The following TGFBR3 variants were observed in gnomAD, a reference collection of about 807,000 sequenced individuals.
TGFBR3 encodes transforming growth factor beta receptor type 3.
TGFBR3 carries 46 observed loss-of-function variants against 87.9 expected under a neutral mutation model. That is an observed-to-expected ratio of 0.52 (90% CI 0.41 to 0.67). The LOEUF is 0.67. Ranked by LOEUF, TGFBR3 falls within the 30% of genes least tolerant of loss-of-function variation. The pLI is 0.00. For synonymous variants in TGFBR3, 381 were observed against 391.6 expected, an observed-to-expected ratio of 0.97 and a Z score of 0.32; for missense variants, 866 against 1,041.9, an observed-to-expected ratio of 0.83 and a Z score of 2.32.
At chr1:91,685,730 T>C (rs1042987115) in intron 16 of TGFBR3, among the ~76,000 whole-genome samples, 1 of 152,176 alleles carries the variant, frequency 6.6e-6, no homozygotes, top group African/African-American at 2.4e-5. Context: ...TTAGCCTCCA[T>C]GGCAATAACT....
intron 4 of TGFBR3, among the ~76,000 whole-genome samples, chr1:91,738,796 T>C (rs1227332414): frequency 6.6e-6 from 1 of 152,268 alleles, no homozygotes; most frequent in Non-Finnish European, 1.5e-5. Context: ...TACTCCATTG[T>C]TCTCCATGCT....
intron 2 of TGFBR3, among the ~76,000 whole-genome samples, chr1:91,799,302 T>A (rs558844051): frequency 6.6e-6 from 1 of 152,346 alleles, no homozygotes; most frequent in East Asian, 1.9e-4. Context: ...CTCTCTGGAC[T>A]GTGGCCAGCT....
intron 3 of TGFBR3, among the ~76,000 whole-genome samples, chr1:91,769,197 C>T (rs917600142): frequency 6.6e-6 from 1 of 152,192 alleles, no homozygotes; most frequent in Non-Finnish European, 1.5e-5. Context: ...AGAACAGTGA[C>T]TGGCATCTGG....
chr1:91,841,533 A>ATG (rs1677280439), intron 2 of TGFBR3, among the ~76,000 whole-genome samples: 1 of 151,692 alleles, frequency 6.6e-6, no homozygotes, highest in Non-Finnish European at 1.5e-5. Flanking sequence ...AGTGGCTTAC[A>ATG]CCTGTAATCC....
At chr1:91,769,054 C>T (rs1674282469) in intron 3 of TGFBR3, among the ~76,000 whole-genome samples, 1 of 152,176 alleles carries the variant, frequency 6.6e-6, no homozygotes, top group African/African-American at 2.4e-5. Context: ...AGCTCTCCAC[C>T]TACCCACCCT....
chr1:91,695,385 G>T, intron 16 of TGFBR3: 2 of 399,308 alleles, frequency 5.0e-6, no homozygotes, highest in Non-Finnish European at 9.5e-6. Flanking sequence ...ATTTCTGTAC[G>T]TTGTCTGCAT....
chr1:91,815,361 C>T (rs1676185171), intron 2 of TGFBR3, among the ~76,000 whole-genome samples: 1 of 141,640 alleles, frequency 7.1e-6, no homozygotes, highest in South Asian at 2.2e-4. Flanking sequence ...CCTGTCCTAG[C>T]TAATCCTCAG....
At chr1:91,814,424 AC>A (rs1243512859) in intron 2 of TGFBR3, among the ~76,000 whole-genome samples, 1 of 152,172 alleles carries the variant, frequency 6.6e-6, no homozygotes, top group Non-Finnish European at 1.5e-5. Context: ...ATGGAAGTGT[AC>A]TTTTTTTTAA....
At chr1:91,762,970 A>T (rs953930329) in intron 3 of TGFBR3, among the ~76,000 whole-genome samples, 6 of 152,190 alleles carry the variant, frequency 3.9e-5, no homozygotes, top group African/African-American at 1.4e-4. Context: ...CTTTGCTCAC[A>T]TTATCAGCAG....
intron 2 of TGFBR3, among the ~76,000 whole-genome samples, chr1:91,825,240 C>T (rs1052401510): frequency 1.4e-4 from 22 of 152,294 alleles, no homozygotes; most frequent in African/African-American, 4.6e-4. Context: ...ACAATGCAAA[C>T]GTTCATTAAC....
At chr1:91,715,486 T>C (rs1219571130) in intron 12 of TGFBR3, among the ~76,000 whole-genome samples, 2 of 152,182 alleles carry the variant, frequency 1.3e-5, no homozygotes, top group African/African-American at 2.4e-5. Context: ...GCCTCCCTTA[T>C]AGGATGGCTC....
At chr1:91,823,634 G>A (rs1044142712) in intron 2 of TGFBR3, among the ~76,000 whole-genome samples, 10 of 152,210 alleles carry the variant, frequency 6.6e-5, no homozygotes, top group African/African-American at 1.4e-4. Context: ...AAGAGCACAT[G>A]AACTTCTAGA....
At chr1:91,798,361 C>T (rs1454277864) in intron 2 of TGFBR3, among the ~76,000 whole-genome samples, 1 of 152,186 alleles carries the variant, frequency 6.6e-6, no homozygotes, top group Non-Finnish European at 1.5e-5. Flanking sequence ...CAAATAAAGC[C>T]TGAGCTCCAC....
At chr1:91,736,196 A>C (rs916386554) in intron 4 of TGFBR3, among the ~76,000 whole-genome samples, 6 of 152,038 alleles carry the variant, frequency 3.9e-5, no homozygotes, top group Admixed American at 3.9e-4. Context: ...GAATCACCTG[A>C]AAAGTTTCTA....
intron 2 of TGFBR3, among the ~76,000 whole-genome samples, chr1:91,891,192 CTT>C (rs577377769): frequency 4.9e-5 from 7 of 141,960 alleles, no homozygotes; most frequent in Admixed American, 1.4e-4. Flanking sequence ...CCTGGTCTCT[CTT>C]TTTTTTTTTT....
intron 16 of TGFBR3, among the ~76,000 whole-genome samples, chr1:91,684,919 T>C (rs1215202281): frequency 6.6e-6 from 1 of 152,200 alleles, no homozygotes; most frequent in South Asian, 2.1e-4. Flanking sequence ...TCCTCTTTCC[T>C]GTCATGCTGA....
chr1:91,841,562 A>G (rs532172094), intron 2 of TGFBR3, among the ~76,000 whole-genome samples: 1 of 149,600 alleles, frequency 6.7e-6, no homozygotes, highest in Admixed American at 6.7e-5. Flanking sequence ...TGGGAGGCCA[A>G]GGCGGGCAGA....
intron 3 of TGFBR3, among the ~76,000 whole-genome samples, chr1:91,784,023 T>C (rs1298830279): frequency 6.6e-6 from 1 of 152,152 alleles, no homozygotes; most frequent in African/African-American, 2.4e-5. Flanking sequence ...AAACCATTTA[T>C]AGCTTTTTAC....
intron 2 of TGFBR3, among the ~76,000 whole-genome samples, chr1:91,800,797 C>G (rs1161851329): frequency 6.6e-6 from 1 of 152,000 alleles, no homozygotes; most frequent in Non-Finnish European, 1.5e-5. Context: ...ATAAGAGACA[C>G]TGCTCGGCCC....
Sources: gnomAD v4.1 joint callset for allele counts (sites outside exome capture counted in the v4.1 genomes callset) on GRCh38, gnomAD v4.1.1 for gene constraint, MANE v1.5 for transcripts, NCBI Gene and HGNC (gene_info 2026-07-23, HGNC 2026-07-21) for gene names.